PLA1A: variants seen among roughly 807,000 people sequenced by gnomAD.
PLA1A encodes the protein phosphatidylserine-specific phospholipase A1alpha.
PLA1A carries 47 observed loss-of-function variants against 49.4 expected under a neutral mutation model. The observed-to-expected ratio is 0.95, with a 90% CI of 0.75 to 1.21. The LOEUF is 1.21. Among genes scored for constraint, PLA1A ranks in the 50% most tolerant of loss-of-function variants. PLA1A has a pLI of 0.00. For missense variants in PLA1A, 561 were observed against 563.9 expected, an observed-to-expected ratio of 0.99 and a Z score of 0.05; for synonymous variants, 224 against 207.9, an observed-to-expected ratio of 1.08 and a Z score of -0.67.
At position 119,618,550 on chromosome 3, in the gene PLA1A, G is replaced by A. The variant is rs146787812; in HGVS notation, c.922+364G>A. On this transcript the variant is annotated intron_variant, in intron 7 of 10. Coordinates refer to ENST00000273371, the MANE Select transcript of PLA1A (RefSeq NM_015900.4). ...CTTCATAGACCCTAAATCTATGGTG[G>A]GGAATCCCTAAGAGTGGAACACAAG... is the stretch of plus-strand genomic sequence containing the variant. Among the ~76,000 whole-genome samples the A allele has an allele frequency of 3.0e-3, 464 of 152,258 alleles. 3 individuals are homozygous for A. Among genetic ancestry groups the A allele is most frequent in the African/African-American group, 0.011 (438 of 41,532 alleles).
intron 10 of PLA1A, 59 bp downstream of exon 10, chr3:119,628,924 G>T: frequency 7.3e-7 from 1 of 1,361,266 alleles, no homozygotes; most frequent in East Asian, 2.3e-5. Flanking sequence ...ACCAGTCTTG[G>T]CATTAGATGT....
intron 5 of PLA1A, among the ~76,000 whole-genome samples, chr3:119,614,099 C>A (rs1337327733): frequency 6.6e-6 from 1 of 152,124 alleles, no homozygotes; most frequent in Non-Finnish European, 1.5e-5. Context: ...CTGTCCCTGA[C>A]CAGACAAGCT....
rs552455080 is a variant in PLA1A, at chr3:119,606,190, G to A, written c.74-584G>A. Reference sequence around the variant, plus strand: ...GTATTGCCTCACAATTCTGGAGGCTGGAAGTCTGAGATCAAGATGTTGGCA... The same window carrying A: ...GTATTGCCTCACAATTCTGGAGGCTAGAAGTCTGAGATCAAGATGTTGGCA... On this transcript the variant is annotated intron_variant, in intron 1 of 10. Coordinates refer to ENST00000273371, the MANE Select transcript of PLA1A (RefSeq NM_015900.4). 6.6e-5 allele frequency among the ~76,000 whole-genome samples: 10 copies of A among 152,358 alleles called. No individual in the cohort carries two copies. The South Asian group carries it at 1.9e-3, about 28-fold the overall frequency.
chr3:119,599,277 C>T (rs1290209835), intron 1 of PLA1A, among the ~76,000 whole-genome samples: 1 of 152,136 alleles, frequency 6.6e-6, no homozygotes, highest in African/African-American at 2.4e-5. Flanking sequence ...TTTGCAGTTG[C>T]TTATTCCTTT....
intron 4 of PLA1A, among the ~76,000 whole-genome samples, chr3:119,611,007 C>T (rs1225112610): frequency 2.6e-5 from 4 of 152,066 alleles, no homozygotes; most frequent in Non-Finnish European, 5.9e-5. Flanking sequence ...AGGTAGGGGT[C>T]CAGTTTCATT....
At chr3:119,621,349 G>A (rs1000819296) in intron 8 of PLA1A, among the ~76,000 whole-genome samples, 1 of 152,342 alleles carries the variant, frequency 6.6e-6, no homozygotes, top group Admixed American at 6.5e-5. Flanking sequence ...AAACCACAGA[G>A]GGGCACATAA....
intron 6 of PLA1A, among the ~76,000 whole-genome samples, 200 bp downstream of exon 6, chr3:119,616,301 C>T (rs2082847817): frequency 6.6e-6 from 1 of 152,214 alleles, no homozygotes; most frequent in Non-Finnish European, 1.5e-5. Flanking sequence ...GGGTGTGGCA[C>T]AGTCCACACC....
At chr3:119,616,548 G>A (rs1371181765) in intron 6 of PLA1A, among the ~76,000 whole-genome samples, 1 of 152,154 alleles carries the variant, frequency 6.6e-6, no homozygotes, top group African/African-American at 2.4e-5. Context: ...ATTCTTAGCA[G>A]ACTAAATTTG....
chr3:119,624,469 C>T (rs1020230003), intron 8 of PLA1A, among the ~76,000 whole-genome samples: 3 of 152,134 alleles, frequency 2.0e-5, no homozygotes, highest in Non-Finnish European at 2.9e-5. Flanking sequence ...TGCATTTTGG[C>T]TCATTCAAGA....
chr3:119,604,816 T>C (rs1344769145), intron 1 of PLA1A, among the ~76,000 whole-genome samples: 4 of 152,158 alleles, frequency 2.6e-5, no homozygotes, highest in Non-Finnish European at 5.9e-5. Flanking sequence ...CTGGTAAAAA[T>C]ACCACAGGCA....
chr3:119,610,367 T>G (rs2082749096), intron 4 of PLA1A, among the ~76,000 whole-genome samples: 1 of 152,160 alleles, frequency 6.6e-6, no homozygotes, highest in Non-Finnish European at 1.5e-5. Context: ...AGTCAAGTGG[T>G]GATTTTATTT....
At chr3:119,612,132 C>A (rs2688646) in intron 4 of PLA1A, among the ~76,000 whole-genome samples, 34,377 of 152,030 alleles carry the variant, frequency 0.23, 4,742 homozygotes, top group East Asian at 0.46. Context: ...AGAGGTGCCC[C>A]ATTGGGGTGA....
intron 6 of PLA1A, among the ~76,000 whole-genome samples, chr3:119,616,935 G>C (rs1022084497): frequency 1.3e-5 from 2 of 152,208 alleles, no homozygotes; most frequent in African/African-American, 4.8e-5. Context: ...CTCTGCCCCA[G>C]CTCCCTGTTG....
intron 8 of PLA1A, among the ~76,000 whole-genome samples, chr3:119,623,536 G>A (rs2082973625): frequency 6.6e-6 from 1 of 152,150 alleles, no homozygotes; most frequent in South Asian, 2.1e-4. Flanking sequence ...CTATGTTGGC[G>A]ACACTCACTT....
At chr3:119,611,089 T>C (rs2107785538) in intron 4 of PLA1A, among the ~76,000 whole-genome samples, 1 of 152,222 alleles carries the variant, frequency 6.6e-6, no homozygotes, top group South Asian at 2.1e-4. Flanking sequence ...AAAAAAAGTG[T>C]TAATTTTTGT....
rs371323266 is a variant in PLA1A, at chr3:119,608,374, A to T, written c.276-396A>T. The stretch of plus-strand genomic sequence containing the variant: ...ATCGCAAATCTTAACTCTAGGGCAT[A>T]ACTCTAGGGCATATTTCTTTTCCAC... On this transcript the variant is annotated intron_variant, in intron 2 of 10. Coordinates refer to ENST00000273371, the MANE Select transcript of PLA1A (RefSeq NM_015900.4). 9.2e-5 allele frequency among the ~76,000 whole-genome samples: 14 copies of T among 152,352 alleles called. No homozygotes were observed. In the East Asian group the frequency reaches 2.1e-3, roughly 23 times the overall value.
chr3:119,608,240 G>GAA (rs2082716832), intron 2 of PLA1A, among the ~76,000 whole-genome samples: 2 of 129,126 alleles, frequency 1.5e-5, no homozygotes, highest in African/African-American at 5.8e-5. Context: ...GAGAAAGAAA[G>GAA]AGAGAAAGAA....
intron 2 of PLA1A, 49 bp from the exon 3 acceptor site, chr3:119,608,721 T>C (rs1057334526): frequency 7.2e-7 from 1 of 1,389,154 alleles, no homozygotes; most frequent in Admixed American, 1.8e-5. Context: ...TGACAATGAA[T>C]ATCCACTTGG....
chr3:119,624,882 C>T (rs1398801565), intron 8 of PLA1A, among the ~76,000 whole-genome samples: 2 of 152,190 alleles, frequency 1.3e-5, no homozygotes, highest in African/African-American at 2.4e-5. Flanking sequence ...CCACTCGCCT[C>T]GGCCTCCCAA....
Sources: allele counts gnomAD v4.1 joint callset (sites outside exome capture counted in the v4.1 genomes callset), GRCh38; gene constraint gnomAD v4.1.1; transcripts MANE v1.5; gene names NCBI Gene and HGNC (gene_info 2026-07-23, HGNC 2026-07-21).